PTPRN2: variants seen among roughly 807,000 people sequenced by gnomAD.
The protein encoded by PTPRN2 is receptor-type tyrosine-protein phosphatase N2.
In PTPRN2, 74 loss-of-function variants were observed where a neutral mutation model predicts 118.8. The observed-to-expected ratio is 0.62, with a 90% CI of 0.52 to 0.76. The LOEUF is 0.76. Among genes scored for constraint, PTPRN2 ranks in the 30% least tolerant of loss-of-function variants. The pLI is 0.00. For synonymous variants in PTPRN2, 641 were observed against 608.0 expected, an observed-to-expected ratio of 1.05 and a Z score of -0.80; for missense variants, 1,481 against 1,394.4, an observed-to-expected ratio of 1.06 and a Z score of -0.99.
chr7:158,020,015 G>T (rs1806755044), intron 11 of PTPRN2, among the ~76,000 whole-genome samples: 1 of 152,224 alleles, frequency 6.6e-6, no homozygotes, highest in Non-Finnish European at 1.5e-5. Context: ...CCAGGACCCA[G>T]ATTCAATGCC....
chr7:157,718,540 G>A (rs56261220), intron 12 of PTPRN2, among the ~76,000 whole-genome samples: 16 of 151,286 alleles, frequency 1.1e-4, no homozygotes, highest in African/African-American at 1.5e-4. Context: ...ATGTCCAGGC[G>A]TCTGAGGTGA....
intron 4 of PTPRN2, among the ~76,000 whole-genome samples, chr7:158,194,686 G>A (rs919546677): frequency 1.3e-5 from 2 of 152,218 alleles, no homozygotes; most frequent in Non-Finnish European, 2.9e-5. Context: ...GTACTTTCCT[G>A]AGCGCCCAGG....
At chr7:157,915,276 A>T (rs1336118466) in intron 11 of PTPRN2, among the ~76,000 whole-genome samples, 2 of 152,146 alleles carry the variant, frequency 1.3e-5, no homozygotes, top group African/African-American at 4.8e-5. Flanking sequence ...TCCAGAGAGG[A>T]TCTGCCTTTC....
intron 1 of PTPRN2, among the ~76,000 whole-genome samples, chr7:158,508,167 G>A (rs1822906304): frequency 6.7e-6 from 1 of 149,356 alleles, no homozygotes; most frequent in Admixed American, 6.6e-5. Flanking sequence ...CAGAAGGCAG[G>A]TGGGCAGGCG....
At chr7:158,311,972 C>G (rs1382905302) in intron 3 of PTPRN2, among the ~76,000 whole-genome samples, 1 of 152,060 alleles carries the variant, frequency 6.6e-6, no homozygotes, top group Non-Finnish European at 1.5e-5. Flanking sequence ...CACTCACGTG[C>G]TCACATGTAG....
chr7:158,070,671 TGGAGGTGCCCGTGGTGGC>T (rs1410969959), intron 11 of PTPRN2, among the ~76,000 whole-genome samples: 7,741 of 84,982 alleles, frequency 0.091, 981 homozygotes, highest in Middle Eastern at 0.15. Context: ...CTCCTGGTGG[TGGAGGTGCCCGTGGTGGC>T]GGAGGTGCCC....
chr7:157,722,624 C>T lies in PTPRN2; in HGVS notation c.1789-39687G>A, dbSNP rs770673628. On this transcript the variant is annotated intron_variant, in intron 12 of 22. Coordinates refer to ENST00000389418, the MANE Select transcript of PTPRN2 (RefSeq NM_002847.5). Reference sequence around the variant, plus strand: ...TGCGTGGCCCGAGTGTGGGCCTGGGCGGCCCTCCATTCCTCGGCAGGGCAC... The same window carrying T: ...TGCGTGGCCCGAGTGTGGGCCTGGGTGGCCCTCCATTCCTCGGCAGGGCAC... Among the ~76,000 whole-genome samples, 20 of 152,152 alleles carry T rather than the reference C, an allele frequency of 1.3e-4. 1 individual carries two copies. The highest frequency in any genetic ancestry group is 3.3e-4 in the Admixed American group (5 of 15,284).
intron 2 of PTPRN2, among the ~76,000 whole-genome samples, chr7:158,325,079 G>T (rs1803379617): frequency 6.6e-6 from 1 of 152,082 alleles, no homozygotes; most frequent in African/African-American, 2.4e-5. Flanking sequence ...ATCCACAGGG[G>T]GTCCCCCAGG....
At chr7:157,745,361 C>T (rs376088021) in intron 12 of PTPRN2, among the ~76,000 whole-genome samples, 8 of 147,524 alleles carry the variant, frequency 5.4e-5, no homozygotes, top group Non-Finnish European at 7.6e-5. Flanking sequence ...TCCAGACGAA[C>T]GCAAGGCTGA....
At chr7:158,188,845 T>G (rs1174731821) in intron 5 of PTPRN2, among the ~76,000 whole-genome samples, 2 of 152,160 alleles carry the variant, frequency 1.3e-5, no homozygotes, top group Non-Finnish European at 2.9e-5. Context: ...CCTAGTGCAG[T>G]AAGCCAGGAA....
At position 157,550,381 on chromosome 7, in the gene PTPRN2, C is replaced by T. The variant is rs1164118097; in HGVS notation, c.2903-1362G>A. Among the ~76,000 whole-genome samples the T allele has an allele frequency of 6.6e-6, 1 of 152,154 alleles. No homozygotes were observed. The highest frequency in any genetic ancestry group is 1.5e-5 in the Non-Finnish European group (1 of 68,028). On this transcript the variant is annotated intron_variant, in intron 21 of 22. Transcript: ENST00000389418. This position sits in a 1 kb window ranked among gnomAD's most constrained non-coding sequence, Gnocchi z 5.2. ...GGGAACGGCAGGGGTGGCGGGGAGG[C>T]CTGGGGAGGACACACGTTGGAACCA... is the stretch of plus-strand genomic sequence containing the variant.
intron 13 of PTPRN2, chr7:157,669,611 T>C (rs556783329): frequency 1.1e-4 from 53 of 467,914 alleles, no homozygotes; most frequent in Non-Finnish European, 2.0e-4. Context: ...CGATGAGCGA[T>C]GTTGGCCAAG....
chr7:157,837,248 T>C (rs1808032906), intron 12 of PTPRN2, among the ~76,000 whole-genome samples: 1 of 139,876 alleles, frequency 7.1e-6, no homozygotes, highest in South Asian at 2.5e-4. Context: ...CACCCTTCCA[T>C]GTGTCCCTCC....
intron 13 of PTPRN2, among the ~76,000 whole-genome samples, 159 bp from the exon 14 acceptor site, chr7:157,656,710 G>C (rs1053635163): frequency 6.6e-6 from 1 of 152,052 alleles, no homozygotes; most frequent in Non-Finnish European, 1.5e-5. Context: ...GCAACATGAC[G>C]GTCAACGCAC....
intron 19 of PTPRN2, among the ~76,000 whole-genome samples, chr7:157,572,395 ATCAATGGGAAAATG>A (rs1212755514): frequency 1.3e-5 from 2 of 152,260 alleles, no homozygotes; most frequent in African/African-American, 4.8e-5. Context: ...AGTATGGACC[ATCAATGGGAAAATG>A]TCACGTTTCT....
At position 157,596,228 on chromosome 7, in the gene PTPRN2, G is replaced by C. The variant is rs1000862629; in HGVS notation, c.2419-913C>G. Among the ~76,000 whole-genome samples the C allele has an allele frequency of 1.3e-5, 2 of 152,210 alleles. No individual in the cohort carries two copies. On this transcript the variant is annotated intron_variant, in intron 16 of 22. Coordinates refer to ENST00000389418, the MANE Select transcript of PTPRN2 (RefSeq NM_002847.5). This position sits in a 1 kb window ranked among gnomAD's most constrained non-coding sequence, Gnocchi z 4.2. ...TGGAGTTAACTCGTTGTGTGTGGGG[G>C]CTTGTTTTTGTGTATCCTGGAAAGG... is the stretch of plus-strand genomic sequence containing the variant.
intron 3 of PTPRN2, among the ~76,000 whole-genome samples, chr7:158,232,167 CAA>C (rs1432436363): frequency 3.3e-5 from 5 of 151,678 alleles, no homozygotes; most frequent in South Asian, 2.1e-4. Context: ...ATCAATAAAA[CAA>C]AAAGTTTTTT....
rs950664900 is a variant in PTPRN2, at chr7:157,929,640, C to G, written c.1724-30903G>C. 6.6e-6 allele frequency among the ~76,000 whole-genome samples: 1 copy of G among 152,102 alleles called. No individual in the cohort carries two copies. The highest frequency in any genetic ancestry group is 2.4e-5 in the African/African-American group (1 of 41,408). On this transcript the variant is annotated intron_variant, in intron 11 of 22. Transcript: ENST00000389418. This position sits in a 1 kb window ranked among gnomAD's most constrained non-coding sequence, Gnocchi z 4.4. ...CCCCCTCATTAAATCAAATTTATTC[C>G]CAATCCTCTGATCTCCATTCACCAG... is the stretch of plus-strand genomic sequence containing the variant.
At chr7:157,689,117 T>C (rs1031056670) in intron 12 of PTPRN2, among the ~76,000 whole-genome samples, 3 of 152,164 alleles carry the variant, frequency 2.0e-5, no homozygotes, top group Non-Finnish European at 4.4e-5. Context: ...CCGTCTTCTC[T>C]GGAGCGCAGA....
Sources: allele counts gnomAD v4.1 joint callset (sites outside exome capture counted in the v4.1 genomes callset), GRCh38; gene constraint gnomAD v4.1.1; non-coding constraint Gnocchi (gnomAD v3.1); transcripts MANE v1.5; gene names NCBI Gene and HGNC (gene_info 2026-07-23, HGNC 2026-07-21).